RGL2: variants seen among roughly 807,000 people sequenced by gnomAD.
RGL2 encodes ral guanine nucleotide dissociation stimulator-like 2.
In RGL2, 40 loss-of-function variants were observed where a neutral mutation model predicts 84.6. That is an observed-to-expected ratio of 0.47 (90% confidence interval 0.37 to 0.62). The LOEUF is 0.62. Among genes scored for constraint, RGL2 ranks in the 20% least tolerant of loss-of-function variants. The pLI is 0.00. For synonymous variants in RGL2, 369 were observed against 417.3 expected (o/e 0.88, Z 1.41); for missense variants, 865 against 1,019.7 (o/e 0.85, Z 2.07).
At chr6:33,300,272 A>C (rs1166768989), upstream of RGL2, 1 of 153,810 alleles carries the variant, frequency 6.5e-6, no homozygotes, top group Non-Finnish European at 1.5e-5. Context: ...GCCCTAGAGT[A>C]CGGGTTCTCC....
In RGL2 at chr6:33,297,565, C is replaced by A. The variant is rs1768104225; in HGVS notation, c.157-450G>T. ...CCTCCCGGCCAAGGACTATACCAGC[C>A]CAGAGAATTAGTCTTTTTCAGGACC... On this transcript the variant is annotated intron_variant, in intron 2 of 17. Coordinates refer to ENST00000497454, the MANE Select transcript of RGL2 (RefSeq NM_004761.5). The surrounding 1 kb of genome is among the most constrained non-coding windows in gnomAD (Gnocchi z 4.0). 5.9e-6 allele frequency: 1 copy of A among 170,568 alleles called. No individual in the cohort carries two copies. 10.6% of individuals were successfully genotyped at this position (170,568 alleles called of 1,614,324 possible).
rs1349204879 is a variant in RGL2, at chr6:33,298,754, T to C, written c.-41-103A>G. 2.0e-6 allele frequency: 1 copy of C among 504,850 alleles called. No individual in the cohort carries two copies. Among genetic ancestry groups the C allele is most frequent in the Non-Finnish European group, 3.4e-6 (1 of 293,192 alleles). The allele number at this position is 504,850 out of a possible 1,614,324, so 31.3% of individuals were successfully genotyped here. On this transcript the variant is annotated intron_variant, in intron 1 of 17. Transcript: ENST00000497454. This position sits in a 1 kb window ranked among gnomAD's most constrained non-coding sequence, Gnocchi z 4.8. ...GGTGTCAAGAAGACCGGAAGGGAGTTCTGCAGGAAGGTTGGGGGAGGGGGC... is the reference window on the plus strand; with the variant it reads ...GGTGTCAAGAAGACCGGAAGGGAGTCCTGCAGGAAGGTTGGGGGAGGGGGC...
rs1767809839 is a variant in RGL2 at position 33,295,065 on chromosome 6, A to G, written c.1210-20T>C. ...CACCTCCTGGTGGTGACAAAATAAA[A>G]GAGACATGGGGGAGCAGTAGGGAAC... On this transcript the variant is annotated intron_variant, in intron 9 of 17. Coordinates refer to ENST00000497454, the MANE Select transcript of RGL2 (RefSeq NM_004761.5). This position sits in a 1 kb window ranked among gnomAD's most constrained non-coding sequence, Gnocchi z 7.2. 4.4e-6 allele frequency: 7 copies of G among 1,584,586 alleles called. No individual in the cohort carries two copies. Among genetic ancestry groups the G allele is most frequent in the Non-Finnish European group, 5.2e-6 (6 of 1,164,088 alleles).
upstream of RGL2, chr6:33,301,434 T>TG (rs1768574592): frequency 6.1e-6 from 2 of 329,080 alleles, no homozygotes; most frequent in African/African-American, 4.3e-5. Context: ...ATTCACTGGG[T>TG]GTGGTGGCAT....
Position 33,298,512 on chromosome 6 carries a change from G to A in RGL2, c.99C>T (p.Gly33=), listed in dbSNP as rs906668532. The A allele has an allele frequency of 6.6e-7, 1 of 1,521,540 alleles. No homozygotes were observed. 94.3% of individuals were successfully genotyped at this position (1,521,540 alleles called of 1,614,324 possible). The change falls in exon 2 of 18, where the codon GGC becomes GGT. Residue 33 remains glycine, a synonymous_variant. Coordinates refer to ENST00000497454, the MANE Select transcript of RGL2 (RefSeq NM_004761.5). The surrounding 1 kb of genome is among the most constrained non-coding windows in gnomAD (Gnocchi z 4.8). The part of the protein sequence containing the change: ...FRSRDPEEGG[G]PGGLVVGGGQ... ...CCCCGCCCACGACCAGGCCACCTGG[G>A]CCCCCACCCTCTTCGGGGTCCCGGC...
At position 33,294,604 on chromosome 6, in the gene RGL2, C is replaced by A; in HGVS notation, c.1353+84G>T. ...ACACTCAGCTATTTGTGCCTTACAG[C>A]CCCTTGCAAGGGGCGGGGGGGTCTG... On this transcript the variant is annotated intron_variant, in intron 11 of 17. Coordinates refer to ENST00000497454, the MANE Select transcript of RGL2 (RefSeq NM_004761.5). This position sits in a 1 kb window ranked among gnomAD's most constrained non-coding sequence, Gnocchi z 5.0. The A allele has an allele frequency of 6.8e-7, 1 of 1,465,932 alleles. No individual in the cohort carries two copies. Among genetic ancestry groups the A allele is most frequent in the Non-Finnish European group, 9.5e-7 (1 of 1,057,844 alleles). 90.8% of individuals were successfully genotyped at this position (1,465,932 alleles called of 1,614,324 possible).
At chr6:33,300,976 A>T (rs1444229418), upstream of RGL2, 5 of 152,142 alleles carry the variant, frequency 3.3e-5, no homozygotes. Context: ...AAAAAAAAAA[A>T]AAAAAAAGTT....
chr6:33,297,155 C>T lies in RGL2; in HGVS notation c.157-40G>A. On this transcript the variant is annotated intron_variant, in intron 2 of 17. Transcript: ENST00000497454. The surrounding 1 kb of genome is among the most constrained non-coding windows in gnomAD (Gnocchi z 4.0). ...AAGGGGAAGTCAGACAGTTCCACAC[C>T]ACCCCCCATTGCCCTCAGCCTTCAC... 2 of 1,467,140 alleles carry T rather than the reference C, an allele frequency of 1.4e-6. No homozygotes were observed. The highest frequency in any genetic ancestry group is 1.8e-6 in the Non-Finnish European group (2 of 1,086,356). 90.9% of individuals were successfully genotyped at this position (1,467,140 alleles called of 1,614,324 possible).
chr6:33,293,139 T>G lies in RGL2; in HGVS notation c.1884A>C (p.Ala628=). 1.2e-6 allele frequency: 2 copies of G among 1,612,408 alleles called. No homozygotes were observed. The highest frequency in any genetic ancestry group is 1.7e-6 in the Non-Finnish European group (2 of 1,179,194). The change falls in exon 16 of 18, where the codon GCA becomes GCC. Residue 628 remains alanine, a synonymous_variant. Transcript: ENST00000497454. The surrounding 1 kb of genome is among the most constrained non-coding windows in gnomAD (Gnocchi z 7.0). ...ATCCAGTCCCCCCGGAGGCCTCTTC[T>G]GCACCCCCACTCAGCGGGGAGCCAC... ...ASCGSPLSGG[A]EEASGGTGYG...
rs141849103 is a variant in RGL2, at chr6:33,297,245, C to G, written c.157-130G>C. 4.3e-6 allele frequency: 3 copies of G among 691,286 alleles called. No individual in the cohort carries two copies. Among genetic ancestry groups the G allele is most frequent in the Non-Finnish European group, 7.0e-6 (3 of 429,622 alleles). 42.8% of individuals were successfully genotyped at this position (691,286 alleles called of 1,614,324 possible). A position where few individuals can be genotyped will look rare whatever the true frequency, so the allele number is the denominator to read the frequency against. On this transcript the variant is annotated intron_variant, in intron 2 of 17. Coordinates refer to ENST00000497454, the MANE Select transcript of RGL2 (RefSeq NM_004761.5). This position sits in a 1 kb window ranked among gnomAD's most constrained non-coding sequence, Gnocchi z 4.0. ...TGGCAGGGCATAGTACCAGCGAGTG[C>G]GAGGAAGGGTTGGGGGAGCTGGTGA...
upstream of RGL2, chr6:33,301,549 G>T: frequency 1.7e-6 from 1 of 586,078 alleles, no homozygotes; most frequent in Non-Finnish European, 3.0e-6. Flanking sequence ...ACTGCAGCCT[G>T]GGCGGAAGAG....
Position 33,297,467 on chromosome 6 carries a change from G to A in RGL2, c.157-352C>T, listed in dbSNP as rs1768093958. The A allele has an allele frequency of 1.4e-5, 4 of 278,278 alleles. No individual in the cohort carries two copies. Among genetic ancestry groups the A allele is most frequent in the Non-Finnish European group, 2.7e-5 (4 of 147,230 alleles). The allele number at this position is 278,278 out of a possible 1,614,324, so 17.2% of individuals were successfully genotyped here. On this transcript the variant is annotated intron_variant, in intron 2 of 17. Coordinates refer to ENST00000497454, the MANE Select transcript of RGL2 (RefSeq NM_004761.5). The surrounding 1 kb of genome is among the most constrained non-coding windows in gnomAD (Gnocchi z 4.0). ...GGTACAAAGGGCAGGAGAGGGAAGC[G>A]AGAGGCAGCAAGCCAGAGGCAGCGA...
Position 33,294,075 on chromosome 6 carries a change from A to G in RGL2, c.1354-9T>C, listed in dbSNP as rs574507182. ...AAATTGATGTATCCATTCTGCGAGG[A>G]AAATGGGGATGGGGTGAAAGTTCCA... On this transcript the variant is annotated splice_polypyrimidine_tract_variant and intron_variant, in intron 11 of 17. Coordinates refer to ENST00000497454, the MANE Select transcript of RGL2 (RefSeq NM_004761.5). The surrounding 1 kb of genome is among the most constrained non-coding windows in gnomAD (Gnocchi z 5.0). The G allele has an allele frequency of 5.3e-5, 85 of 1,609,096 alleles. No individual in the cohort carries two copies. In the Admixed American group the frequency reaches 7.7e-4, roughly 15 times the overall value.
chr6:33,291,805 G>A lies in RGL2; in HGVS notation c.*297C>T, dbSNP rs1801823. 4,848 of 560,544 alleles carry A rather than the reference G, an allele frequency of 8.6e-3. 176 individuals are homozygous for A. The highest frequency in any genetic ancestry group is 0.081 in the African/African-American group (4,267 of 52,960). 34.7% of individuals were successfully genotyped at this position (560,544 alleles called of 1,614,324 possible). On this transcript the variant is annotated 3_prime_UTR_variant, in exon 18 of 18. Transcript: ENST00000497454. The stretch of plus-strand genomic sequence containing the variant: ...GCCTTGAAGCCTTTGCTTGGCCCTT[G>A]CATGTTAGGATATGGCCAAGAATCA...
At position 33,293,534 on chromosome 6, in the gene RGL2, C is replaced by T. The variant is rs1562656094; in HGVS notation, c.1605-10G>A. The T allele has an allele frequency of 6.2e-7, 1 of 1,613,084 alleles. No homozygotes were observed. The highest frequency in any genetic ancestry group is 1.7e-5 in the Admixed American group (1 of 59,858). ...AACAGAGCCCAAAACCCTGCAGTGG[C>T]AGGAGATTGGGAGGATCAGAGAAAA... is the stretch of plus-strand genomic sequence containing the variant. On this transcript the variant is annotated splice_polypyrimidine_tract_variant and intron_variant, in intron 14 of 17. Coordinates refer to ENST00000497454, the MANE Select transcript of RGL2 (RefSeq NM_004761.5). The surrounding 1 kb of genome is among the most constrained non-coding windows in gnomAD (Gnocchi z 7.0).
rs1343427935 is a variant in RGL2, at chr6:33,292,171, A to G, written c.2265T>C (p.Ser755=). ...SGPSASGTPP[S]EGGGGSFPRI... ...TGGGAAAGGAGCCCCCTCCTCCCTC[A>G]CTCGGAGGAGTTCCTGAGGCAGACG... is the stretch of plus-strand genomic sequence containing the variant. Residue 755 remains serine (S), a synonymous_variant, in exon 18 of 18, where the codon AGT becomes AGC. Coordinates refer to ENST00000497454, the MANE Select transcript of RGL2 (RefSeq NM_004761.5). 1 of 1,613,974 alleles carries G rather than the reference A, an allele frequency of 6.2e-7. No individual in the cohort carries two copies. Among genetic ancestry groups the G allele is most frequent in the East Asian group, 2.2e-5 (1 of 44,886 alleles).
In RGL2 at chr6:33,293,928, C is replaced by T; in HGVS notation, c.1387-12G>A. On this transcript the variant is annotated splice_polypyrimidine_tract_variant and intron_variant, in intron 12 of 17. Coordinates refer to ENST00000497454, the MANE Select transcript of RGL2 (RefSeq NM_004761.5). This position sits in a 1 kb window ranked among gnomAD's most constrained non-coding sequence, Gnocchi z 7.0. Reference sequence around the variant, plus strand: ...AGGACTGCAAACTCCTGGGAAGGAGCCCTCAAACTGCAGGAGCCAAAACTC... The same window carrying T: ...AGGACTGCAAACTCCTGGGAAGGAGTCCTCAAACTGCAGGAGCCAAAACTC... The T allele has an allele frequency of 5.0e-6, 8 of 1,614,078 alleles. No individual in the cohort carries two copies. Among genetic ancestry groups the T allele is most frequent in the Non-Finnish European group, 6.8e-6 (8 of 1,180,036 alleles).
In RGL2 at chr6:33,296,534, G is replaced by GATGTTGC; in HGVS notation, c.419+57_419+63dup. ...TCAGTGGCTTTGACTATTTTGGTGG[G>GATGTTGC]ATGTTGCGGCTTTAGGAAATCCGGG... On this transcript the variant is annotated intron_variant, in intron 4 of 17. Transcript: ENST00000497454. The surrounding 1 kb of genome is among the most constrained non-coding windows in gnomAD (Gnocchi z 5.0). The GATGTTGC allele has an allele frequency of 6.3e-7, 1 of 1,585,284 alleles. No homozygotes were observed. Among genetic ancestry groups the GATGTTGC allele is most frequent in the Non-Finnish European group, 8.6e-7 (1 of 1,164,680 alleles).
chr6:33,296,576 C>CTGCG lies in RGL2; in HGVS notation c.419+18_419+21dup, dbSNP rs762084240. On this transcript the variant is annotated intron_variant, in intron 4 of 17. Coordinates refer to ENST00000497454, the MANE Select transcript of RGL2 (RefSeq NM_004761.5). The surrounding 1 kb of genome is among the most constrained non-coding windows in gnomAD (Gnocchi z 5.0). Reference sequence around the variant, plus strand: ...AAATCCGGGCAGATACTCCACTACCCTGCGTCCCTTATGACTCTGACCTGT... The same window carrying CTGCG: ...AAATCCGGGCAGATACTCCACTACCCTGCGTGCGTCCCTTATGACTCTGACCTGT... 2 of 1,606,342 alleles carry CTGCG rather than the reference C, an allele frequency of 1.2e-6. No individual in the cohort carries two copies. The highest frequency in any genetic ancestry group is 2.2e-5 in the South Asian group (2 of 89,902).
Sources: allele counts gnomAD v4.1 joint callset, GRCh38; gene constraint gnomAD v4.1.1; non-coding constraint Gnocchi (gnomAD v3.1); transcripts MANE v1.5; gene names NCBI Gene and HGNC (gene_info 2026-07-23, HGNC 2026-07-21).